Variants in PPFIA2 observed in about 807,000 individuals in gnomAD.
PPFIA2 encodes liprin-alpha-2.
In PPFIA2, 46 loss-of-function variants were observed where a neutral mutation model predicts 175.5. That is an observed-to-expected ratio of 0.26 (90% confidence interval 0.21 to 0.34). PPFIA2 has a LOEUF of 0.34. Among genes scored for constraint, PPFIA2 ranks in the 10% least tolerant of loss-of-function variants. The pLI, the probability that PPFIA2 is intolerant of heterozygous loss-of-function variation, is 1.00. For missense variants in PPFIA2, 1,179 were observed against 1,506.1 expected (o/e 0.78, Z 3.60); for synonymous variants, 568 against 511.4 (o/e 1.11, Z -1.49).
intron 3 of PPFIA2, among the ~76,000 whole-genome samples, chr12:81,725,909 G>GTGCT (rs2080014593): frequency 6.6e-6 from 1 of 151,012 alleles, no homozygotes; most frequent in African/African-American, 2.4e-5. Flanking sequence ...AGGACCTAGA[G>GTGCT]TGCTTTCCAG....
At chr12:81,722,267 C>A (rs2079457248) in intron 3 of PPFIA2, among the ~76,000 whole-genome samples, 1 of 151,038 alleles carries the variant, frequency 6.6e-6, no homozygotes, top group South Asian at 2.1e-4. Flanking sequence ...TAGTCACATA[C>A]CTTGCCATAA....
chr12:81,659,071 G>T (rs1386904416), intron 4 of PPFIA2, among the ~76,000 whole-genome samples: 1 of 151,990 alleles, frequency 6.6e-6, no homozygotes, highest in Non-Finnish European at 1.5e-5. Context: ...TAAATTAACA[G>T]TACAACGGAG....
chr12:81,436,323 A>C (rs2049009531), intron 7 of PPFIA2, among the ~76,000 whole-genome samples: 1 of 138,278 alleles, frequency 7.2e-6, no homozygotes, highest in African/African-American at 2.7e-5. Flanking sequence ...AAAAAAAAAA[A>C]AAAAAAGTTA....
chr12:81,436,599 C>T (rs2049094467), intron 7 of PPFIA2, among the ~76,000 whole-genome samples: 1 of 152,090 alleles, frequency 6.6e-6, no homozygotes, highest in Non-Finnish European at 1.5e-5. Flanking sequence ...ATCATCAATA[C>T]ATGATGCTTT....
intron 6 of PPFIA2, among the ~76,000 whole-genome samples, chr12:81,441,487 C>T (rs1593034018): frequency 6.6e-6 from 1 of 152,112 alleles, no homozygotes; most frequent in East Asian, 1.9e-4. Context: ...TCATATTGAG[C>T]TAGAGATTAA....
At chr12:81,459,753 T>C (rs543055193) in intron 4 of PPFIA2, among the ~76,000 whole-genome samples, 18 of 152,262 alleles carry the variant, frequency 1.2e-4, no homozygotes, top group African/African-American at 4.3e-4. Context: ...CTGAGTAGGC[T>C]AGTGACTCCA....
intron 4 of PPFIA2, among the ~76,000 whole-genome samples, chr12:81,674,650 G>C (rs1377014871): frequency 6.6e-6 from 1 of 151,894 alleles, no homozygotes; most frequent in Non-Finnish European, 1.5e-5. Context: ...GTGACAGACA[G>C]AACAAGACTC....
At chr12:81,487,187 T>C (rs1374818641) in intron 4 of PPFIA2, among the ~76,000 whole-genome samples, 1 of 151,878 alleles carries the variant, frequency 6.6e-6, no homozygotes, top group East Asian at 1.9e-4. Context: ...GTTGGTTATC[T>C]GTCTATTTAC....
intron 23 of PPFIA2, chr12:81,298,068 G>T (rs1160200195): frequency 3.3e-5 from 5 of 151,948 alleles, no homozygotes; most frequent in Non-Finnish European, 7.4e-5. Context: ...TGAAGGATTT[G>T]TTCGTCGCTT....
chr12:81,353,290 A>G lies in PPFIA2; in HGVS notation c.1823T>C (p.Val608Ala), dbSNP rs1187552546. 6.2e-7 allele frequency: 1 copy of G among 1,613,476 alleles called. No individual in the cohort carries two copies. Among genetic ancestry groups the G allele is most frequent in the Non-Finnish European group, 8.5e-7 (1 of 1,179,758 alleles). ...HEWNRTQQIG[V>A]LSSHPFESDT... ...ACTTTCAAAAGGGTGGCTGCTTAGTACTCCAATCTGTTGAGTTCTATTCCA... is the reference window on the plus strand; with the variant it reads ...ACTTTCAAAAGGGTGGCTGCTTAGTGCTCCAATCTGTTGAGTTCTATTCCA... Residue 608 changes from valine (V) to alanine (A), a missense_variant, in exon 17 of 33, where the codon GTA becomes GCA. This residue lies in a region of PPFIA2 where 186 missense variants were observed against 163.6 expected (regional missense o/e 1.14). Coordinates refer to ENST00000549396, the MANE Select transcript of PPFIA2 (RefSeq NM_003625.5).
At chr12:81,376,044 T>A in intron 9 of PPFIA2, 102 bp from the exon 10 acceptor site, 1 of 1,045,520 alleles carries the variant, frequency 9.6e-7, no homozygotes, top group Non-Finnish European at 1.4e-6. Context: ...TATTGCATTC[T>A]TGAAGTAAAT....
intron 4 of PPFIA2, among the ~76,000 whole-genome samples, chr12:81,566,548 A>AAAAG (rs2071354016): frequency 1.3e-5 from 2 of 150,962 alleles, no homozygotes; most frequent in African/African-American, 2.4e-5. Flanking sequence ...AAAAAAAAAA[A>AAAAG]AAAAGAAAAG....
chr12:81,275,677 A>G (rs768423058), intron 28 of PPFIA2, among the ~76,000 whole-genome samples: 1 of 152,144 alleles, frequency 6.6e-6, no homozygotes, highest in African/African-American at 2.4e-5. Context: ...GCTTGCACAT[A>G]TCAACTCTTG....
intron 3 of PPFIA2, among the ~76,000 whole-genome samples, chr12:81,749,265 T>C (rs1248185104): frequency 6.9e-6 from 1 of 144,134 alleles, no homozygotes; most frequent in African/African-American, 2.4e-5. Flanking sequence ...TTCAAATACT[T>C]TCAGTACTTC....
In PPFIA2 at chr12:81,642,683, C is replaced by CATAATGTATA. The variant is rs1567686433; in HGVS notation, c.303+34107_303+34108insTATACATTAT. Among the ~76,000 whole-genome samples the CATAATGTATA allele has an allele frequency of 1.1e-4, 4 of 35,980 alleles. 2 individuals are homozygous for CATAATGTATA. Among genetic ancestry groups the CATAATGTATA allele is most frequent in the Non-Finnish European group, 2.1e-4 (4 of 18,818 alleles). 23.6% of individuals were successfully genotyped at this position (35,980 alleles called of 152,430 possible). A position where few individuals can be genotyped will look rare whatever the true frequency, so the allele number is the denominator to read the frequency against. On this transcript the variant is annotated intron_variant, in intron 4 of 32. Coordinates refer to ENST00000549396, the MANE Select transcript of PPFIA2 (RefSeq NM_003625.5). ...CTATTATATACATACATGTATGTAT[C>CATAATGTATA]TATTATATACATACATGTATATGTA...
chr12:81,630,598 C>CTAA (rs2063260473), intron 4 of PPFIA2, among the ~76,000 whole-genome samples: 1 of 152,012 alleles, frequency 6.6e-6, no homozygotes, highest in Non-Finnish European at 1.5e-5. Context: ...TTTTGGAAGC[C>CTAA]TAATAGTCTT....
intron 3 of PPFIA2, among the ~76,000 whole-genome samples, chr12:81,704,267 T>C (rs1432955649): frequency 6.6e-6 from 1 of 152,186 alleles, no homozygotes; most frequent in Non-Finnish European, 1.5e-5. Context: ...ATATTAAACA[T>C]AATTGTCATC....
chr12:81,437,334 A>C (rs1478656340), intron 7 of PPFIA2, among the ~76,000 whole-genome samples: 1 of 152,084 alleles, frequency 6.6e-6, no homozygotes, highest in Non-Finnish European at 1.5e-5. Context: ...GGTTCACGCC[A>C]TTCTCCTGCC....
At chr12:81,421,172 G>T (rs966394025) in intron 7 of PPFIA2, among the ~76,000 whole-genome samples, 3 of 152,046 alleles carry the variant, frequency 2.0e-5, no homozygotes, top group Non-Finnish European at 4.4e-5. Context: ...GCACAAGGAA[G>T]TTCTTCAAAT....
Sources: gnomAD v4.1 joint callset for allele counts (sites outside exome capture counted in the v4.1 genomes callset) on GRCh38, gnomAD v4.1.1 for gene constraint, gnomAD v4.1.1 regional missense constraint, MANE v1.5 for transcripts, NCBI Gene and HGNC (gene_info 2026-07-23, HGNC 2026-07-21) for gene names.